Variants in CCSER1 observed in about 807,000 individuals in gnomAD.
CCSER1 encodes coiled-coil serine rich protein 1.
CCSER1 carries 41 observed loss-of-function variants against 82.0 expected under a neutral mutation model. The ratio of observed to expected loss-of-function variants is 0.50; its 90% confidence interval spans 0.39 to 0.65. The LOEUF (loss-of-function observed/expected upper bound fraction) is 0.65. Ranked by LOEUF, CCSER1 falls within the 30% of genes least tolerant of loss-of-function variation. The pLI is 0.00. For synonymous variants in CCSER1, 414 were observed against 383.9 expected, an observed-to-expected ratio of 1.08 and a Z score of -0.92; for missense variants, 1,119 against 1,064.2, an observed-to-expected ratio of 1.05 and a Z score of -0.72.
At chr4:90,278,086 C>G (rs1352699355) in intron 1 of CCSER1, among the ~76,000 whole-genome samples, 1 of 151,606 alleles carries the variant, frequency 6.6e-6, no homozygotes, top group Non-Finnish European at 1.5e-5. Context: ...AAATGCTCAT[C>G]ATCATCAATC....
intron 7 of CCSER1, among the ~76,000 whole-genome samples, chr4:90,791,477 G>A (rs1254350620): frequency 4.6e-5 from 7 of 152,148 alleles, no homozygotes; most frequent in Non-Finnish European, 8.8e-5. Context: ...ATTGAGGCAA[G>A]ACCCTCCACC....
intron 7 of CCSER1, among the ~76,000 whole-genome samples, chr4:90,802,297 A>G (rs1474375033): frequency 6.7e-6 from 1 of 148,384 alleles, no homozygotes; most frequent in Non-Finnish European, 1.5e-5. Flanking sequence ...TTATATGTAT[A>G]TATAAAATTC....
intron 1 of CCSER1, among the ~76,000 whole-genome samples, chr4:90,188,894 GA>G (rs1735118932): frequency 6.6e-6 from 1 of 151,932 alleles, no homozygotes; most frequent in Non-Finnish European, 1.5e-5. Context: ...TATGGGAATA[GA>G]AAAAAATCTG....
At chr4:91,056,848 A>T (rs1235184469) in intron 9 of CCSER1, among the ~76,000 whole-genome samples, 1 of 152,134 alleles carries the variant, frequency 6.6e-6, no homozygotes, top group Non-Finnish European at 1.5e-5. Flanking sequence ...TTCTTTGGGC[A>T]TGTGTAGTGA....
At chr4:90,835,022 A>G (rs1468366260) in intron 8 of CCSER1, among the ~76,000 whole-genome samples, 1 of 152,182 alleles carries the variant, frequency 6.6e-6, no homozygotes, top group African/African-American at 2.4e-5. Context: ...ACCAACATTT[A>G]TTCTTGGGCT....
chr4:90,448,517 A>T (rs1435370283), intron 4 of CCSER1, among the ~76,000 whole-genome samples: 3 of 133,728 alleles, frequency 2.2e-5, no homozygotes, highest in Non-Finnish European at 3.1e-5. Flanking sequence ...CTACTTCTGT[A>T]GTATTAAGCT....
chr4:91,508,743 C>T (rs542495530), intron 10 of CCSER1, among the ~76,000 whole-genome samples: 1 of 151,596 alleles, frequency 6.6e-6, no homozygotes, highest in African/African-American at 2.4e-5. Flanking sequence ...GGAGTTTTTA[C>T]TATTATTATT....
At chr4:91,164,450 G>C (rs1731805363) in intron 10 of CCSER1, among the ~76,000 whole-genome samples, 1 of 152,094 alleles carries the variant, frequency 6.6e-6, no homozygotes, top group Non-Finnish European at 1.5e-5. Context: ...GGTATTCTCT[G>C]TATTTCCTGA....
Position 90,666,883 on chromosome 4 carries a change from G to A in CCSER1, c.1932+38651G>A, listed in dbSNP as rs112677086. Among the ~76,000 whole-genome samples, 1,030 of 152,226 alleles carry A rather than the reference G, an allele frequency of 6.8e-3. 13 individuals carry two copies. Among genetic ancestry groups the A allele is most frequent in the African/African-American group, 0.023 (971 of 41,538 alleles). On this transcript the variant is annotated intron_variant, in intron 6 of 10. Transcript: ENST00000509176. Reference sequence around the variant, plus strand: ...CAAAGAACATTATGGGCATGGGAGCGTCAGACAGAGATGGCAGAGAGTGGT... The same window carrying A: ...CAAAGAACATTATGGGCATGGGAGCATCAGACAGAGATGGCAGAGAGTGGT...
chr4:91,072,395 T>TC (rs1460793686), intron 9 of CCSER1, among the ~76,000 whole-genome samples: 1 of 152,026 alleles, frequency 6.6e-6, no homozygotes, highest in Non-Finnish European at 1.5e-5. Flanking sequence ...TAACTTTTTT[T>TC]CCCCACAGTT....
At chr4:90,972,655 G>GA (rs961081367) in intron 9 of CCSER1, among the ~76,000 whole-genome samples, 9 of 151,334 alleles carry the variant, frequency 5.9e-5, no homozygotes, top group South Asian at 2.1e-4. Context: ...TGCAGAAACA[G>GA]AAAAAAAATT....
Position 90,574,998 on chromosome 4 carries a change from T to C in CCSER1, c.1725-53027T>C, listed in dbSNP as rs148174782. Among the ~76,000 whole-genome samples, 42 of 150,544 alleles carry C rather than the reference T, an allele frequency of 2.8e-4. 1 individual carries two copies. The East Asian group carries it at 7.9e-3, about 28-fold the overall frequency. ...AGTTCTTGTTTTTTACTATTTTCTC[T>C]CAAATTGTTATCTACTGCCTTTAAG... is the stretch of plus-strand genomic sequence containing the variant. On this transcript the variant is annotated intron_variant, in intron 5 of 10. Coordinates refer to ENST00000509176, the MANE Select transcript of CCSER1 (RefSeq NM_001145065.2).
chr4:91,293,555 A>T (rs1167096345), intron 10 of CCSER1, among the ~76,000 whole-genome samples: 1 of 152,036 alleles, frequency 6.6e-6, no homozygotes, highest in African/African-American at 2.4e-5. Context: ...ATCCCTTATA[A>T]GTAAATATGC....
chr4:90,967,847 C>A (rs1303000555), intron 9 of CCSER1, among the ~76,000 whole-genome samples: 2 of 152,064 alleles, frequency 1.3e-5, no homozygotes, highest in African/African-American at 4.8e-5. Flanking sequence ...TGGGAGTCCA[C>A]TGGAAAAGTG....
At chr4:90,946,359 G>A (rs935662788) in intron 9 of CCSER1, among the ~76,000 whole-genome samples, 2 of 152,124 alleles carry the variant, frequency 1.3e-5, no homozygotes, top group Admixed American at 6.6e-5. Flanking sequence ...GGCTGGGTGC[G>A]GTGGCCCATG....
chr4:90,450,317 C>A (rs1244096301), intron 4 of CCSER1, among the ~76,000 whole-genome samples: 1 of 152,188 alleles, frequency 6.6e-6, no homozygotes, highest in Non-Finnish European at 1.5e-5. Context: ...ATAGACTAAT[C>A]ATTCTGAAAA....
chr4:91,413,991 A>G (rs986938300), intron 10 of CCSER1, among the ~76,000 whole-genome samples: 7 of 152,178 alleles, frequency 4.6e-5, no homozygotes, highest in Admixed American at 4.6e-4. Context: ...ATAGATAAAC[A>G]AATGCCAAGA....
intron 8 of CCSER1, among the ~76,000 whole-genome samples, chr4:90,875,547 A>C (rs985974653): frequency 2.0e-5 from 3 of 152,180 alleles, no homozygotes; most frequent in African/African-American, 7.2e-5. Flanking sequence ...TGAAGTCCAA[A>C]TGCCTTAATA....
chr4:91,213,738 C>T (rs73836880), intron 10 of CCSER1, among the ~76,000 whole-genome samples: 3 of 152,260 alleles, frequency 2.0e-5, no homozygotes, highest in African/African-American at 4.8e-5. Context: ...GCAATAGACA[C>T]GGGATCCTTT....
Sources: gnomAD v4.1 joint callset for allele counts (sites outside exome capture counted in the v4.1 genomes callset) on GRCh38, gnomAD v4.1.1 for gene constraint, MANE v1.5 for transcripts, NCBI Gene and HGNC (gene_info 2026-07-23, HGNC 2026-07-21) for gene names.